Variants in LRP1B observed in about 807,000 individuals in gnomAD.
The protein encoded by LRP1B is LDL receptor related protein 1B, also known as low-density lipoprotein receptor-related protein 1B.
LRP1B carries 217 observed loss-of-function variants against 556.6 expected under a neutral mutation model. That is an observed-to-expected ratio of 0.39 (90% CI 0.35 to 0.44). LRP1B has a LOEUF of 0.44. Ranked by LOEUF, LRP1B falls within the 20% of genes least tolerant of loss-of-function variation. The probability of loss-of-function intolerance (pLI) is 1.00; values close to 1 mark genes in which losing one functional copy is unlikely to be tolerated. For missense variants in LRP1B, 5,053 were observed against 5,620.8 expected (o/e 0.90, Z 3.23); for synonymous variants, 2,047 against 1,865.8 (o/e 1.10, Z -2.50).
chr2:141,217,234 C>T (rs763959281), intron 6 of LRP1B, among the ~76,000 whole-genome samples: 2 of 152,114 alleles, frequency 1.3e-5, no homozygotes, highest in Non-Finnish European at 2.9e-5. Context: ...CTCTCAAGAT[C>T]TAGTGATCTA....
chr2:141,818,531 CT>C (rs70994453), intron 1 of LRP1B, among the ~76,000 whole-genome samples: 139 of 82,074 alleles, frequency 1.7e-3, no homozygotes, highest in African/African-American at 5.6e-3. Flanking sequence ...ATTTCTGTAT[CT>C]TTTTTTTTTT....
chr2:141,083,751 A>G (rs546611303), intron 7 of LRP1B, among the ~76,000 whole-genome samples: 32 of 152,300 alleles, frequency 2.1e-4, no homozygotes, highest in African/African-American at 7.7e-4. Context: ...GTTAGTGTTC[A>G]GCCCCCTTAC....
At chr2:140,549,358 G>T (rs986600512) in intron 43 of LRP1B, among the ~76,000 whole-genome samples, 21 of 152,036 alleles carry the variant, frequency 1.4e-4, no homozygotes, top group Non-Finnish European at 5.9e-5. Flanking sequence ...CACCAATTTG[G>T]ACTAGAAATT....
At chr2:141,488,230 TA>T (rs1280838386) in intron 2 of LRP1B, among the ~76,000 whole-genome samples, 3 of 152,084 alleles carry the variant, frequency 2.0e-5, no homozygotes, top group African/African-American at 7.2e-5. Flanking sequence ...AATGTAGCAA[TA>T]AAAACATATT....
intron 6 of LRP1B, among the ~76,000 whole-genome samples, chr2:141,211,749 T>G (rs1254534192): frequency 1.3e-5 from 2 of 152,230 alleles, no homozygotes; most frequent in Non-Finnish European, 2.9e-5. Context: ...AATAATTTAA[T>G]GCTAATACCT....
intron 23 of LRP1B, among the ~76,000 whole-genome samples, chr2:140,888,047 T>A (rs766673291): frequency 2.6e-5 from 4 of 152,172 alleles, no homozygotes; most frequent in Admixed American, 6.5e-5. Flanking sequence ...ACATCTGTTA[T>A]TTAAAAAATG....
intron 32 of LRP1B, among the ~76,000 whole-genome samples, chr2:140,803,472 A>C (rs574687037): frequency 6.7e-6 from 1 of 149,590 alleles, no homozygotes; most frequent in African/African-American, 2.4e-5. Flanking sequence ...TTATTTATTT[A>C]TTTTTTTAGT....
rs961678930 is a variant in LRP1B, at chr2:140,274,587, G to T, written c.12979C>A (p.His4327Asn). Residue 4327 changes from histidine to asparagine, a missense_variant, in exon 85 of 91, where the codon CAC becomes AAC. His to Asn is a moderately conservative substitution (Grantham distance 68). Coordinates refer to ENST00000389484, the MANE Select transcript of LRP1B (RefSeq NM_018557.3). ...CATGATTCAGAATTCACACAATAGTGGTGGCACACGTCTAGGAAAAAAAGG... is the reference window on the plus strand; with the variant it reads ...CATGATTCAGAATTCACACAATAGTTGTGGCACACGTCTAGGAAAAAAAGG... ...GDRCQYYVCH[H>N]YCVNSESCTI... 6.2e-7 allele frequency: 1 copy of T among 1,609,200 alleles called. No homozygotes were observed. The highest frequency in any genetic ancestry group is 1.3e-5 in the African/African-American group (1 of 74,686).
chr2:141,414,271 G>A (rs1690995903), intron 3 of LRP1B, among the ~76,000 whole-genome samples: 2 of 144,044 alleles, frequency 1.4e-5, no homozygotes, highest in Admixed American at 1.4e-4. Flanking sequence ...GAAGGAAGGA[G>A]GGAGGGAGGG....
intron 2 of LRP1B, among the ~76,000 whole-genome samples, chr2:141,800,267 C>G (rs1228275339): frequency 6.6e-6 from 1 of 152,176 alleles, no homozygotes; most frequent in Non-Finnish European, 1.5e-5. Context: ...CACTAAGCAT[C>G]AAGATGTTGA....
At chr2:141,460,325 C>G (rs1458115669) in intron 3 of LRP1B, among the ~76,000 whole-genome samples, 1 of 152,054 alleles carries the variant, frequency 6.6e-6, no homozygotes, top group Non-Finnish European at 1.5e-5. Flanking sequence ...ATTTAGGGAA[C>G]AGTTCATGCC....
intron 2 of LRP1B, among the ~76,000 whole-genome samples, chr2:141,558,071 A>G (rs569888140): frequency 6.6e-6 from 1 of 152,038 alleles, no homozygotes; most frequent in South Asian, 2.1e-4. Context: ...CTCAGGGGCA[A>G]TTAATGACTT....
chr2:141,689,271 G>A lies in LRP1B; in HGVS notation c.205+121008C>T, dbSNP rs551947284. 1.4e-4 allele frequency among the ~76,000 whole-genome samples: 22 copies of A among 151,948 alleles called. 1 individual carries two copies. The highest frequency in any genetic ancestry group is 9.9e-4 in the Admixed American group (15 of 15,186). ...AGAGGAATTAAGGAAAATGCAAAAA[G>A]ATTGGTAATTTATCCAAGGTAGACT... On this transcript the variant is annotated intron_variant, in intron 2 of 90. Transcript: ENST00000389484.
chr2:141,692,264 T>A (rs1052065975), intron 2 of LRP1B, among the ~76,000 whole-genome samples: 2 of 152,042 alleles, frequency 1.3e-5, no homozygotes, highest in African/African-American at 2.4e-5. Flanking sequence ...TAAGTATCTA[T>A]ATGAAGAACT....
chr2:141,377,784 A>G (rs967518605), intron 3 of LRP1B, among the ~76,000 whole-genome samples: 17 of 152,100 alleles, frequency 1.1e-4, no homozygotes, highest in African/African-American at 4.1e-4. Flanking sequence ...ATTTATCTTT[A>G]GAGTGAATTG....
intron 6 of LRP1B, among the ~76,000 whole-genome samples, chr2:141,189,026 G>C (rs1440326944): frequency 6.6e-6 from 1 of 151,916 alleles, no homozygotes; most frequent in Admixed American, 6.6e-5. Context: ...AGAAGGAAAG[G>C]GTGGAGAAGA....
chr2:141,536,174 AG>A (rs1216345712), intron 2 of LRP1B, among the ~76,000 whole-genome samples: 7 of 152,244 alleles, frequency 4.6e-5, no homozygotes, highest in African/African-American at 1.4e-4. Context: ...TCCATAAATA[AG>A]AAAGACTATT....
At chr2:140,492,802 C>G (rs1688758448) in intron 56 of LRP1B, 109 bp from the exon 57 acceptor site, 1 of 742,724 alleles carries the variant, frequency 1.3e-6, no homozygotes, top group Admixed American at 2.1e-5. Flanking sequence ...CAGTGCTGAT[C>G]TGGTAGCTTC....
At chr2:141,127,919 C>T (rs534840219) in intron 7 of LRP1B, among the ~76,000 whole-genome samples, 2 of 152,234 alleles carry the variant, frequency 1.3e-5, no homozygotes, top group South Asian at 4.1e-4. Context: ...TTACATGAGT[C>T]CACGAACTGT....
Sources: allele counts gnomAD v4.1 joint callset (sites outside exome capture counted in the v4.1 genomes callset), GRCh38; gene constraint gnomAD v4.1.1; transcripts MANE v1.5; gene names NCBI Gene and HGNC (gene_info 2026-07-23, HGNC 2026-07-21).